ALDH4A1: variants seen among roughly 807,000 people sequenced by gnomAD.
The protein encoded by ALDH4A1 is delta-1-pyrroline-5-carboxylate dehydrogenase, mitochondrial.
ALDH4A1 carries 46 observed loss-of-function variants against 70.5 expected under a neutral mutation model. That is an observed-to-expected ratio of 0.65 (90% confidence interval 0.51 to 0.83). The LOEUF (loss-of-function observed/expected upper bound fraction) is 0.83. Ranked by LOEUF, ALDH4A1 falls within the 40% of genes least tolerant of loss-of-function variation. The pLI is 0.00. For synonymous variants in ALDH4A1, 323 were observed against 324.3 expected, an observed-to-expected ratio of 1.00 and a Z score of 0.04; for missense variants, 749 against 766.5, an observed-to-expected ratio of 0.98 and a Z score of 0.27.
chr1:18,883,219 G>T, intron 6 of ALDH4A1, 21 bp from the exon 7 acceptor site: 10 of 1,613,166 alleles, frequency 6.2e-6, no homozygotes, highest in Non-Finnish European at 8.5e-6. Flanking sequence ...AGGCAGCGGT[G>T]AGATCAGGCC....
rs1376046019 is a variant in ALDH4A1 at position 18,879,282 on chromosome 1, A to T, written c.940+18T>A. 1 of 1,598,330 alleles carries T rather than the reference A, an allele frequency of 6.3e-7. No individual in the cohort carries two copies. The highest frequency in any genetic ancestry group is 1.3e-5 in the African/African-American group (1 of 74,592). The stretch of plus-strand genomic sequence containing the variant: ...GTCCCTGGGGCCACACGGGAGGAGG[A>T]GGTGAGGCAGGCCTTACCTCCAGCC... On this transcript the variant is annotated intron_variant, in intron 9 of 14. Coordinates refer to ENST00000375341, the MANE Select transcript of ALDH4A1 (RefSeq NM_003748.4).
chr1:18,890,300 G>T, intron 1 of ALDH4A1, 195 bp from the exon 2 acceptor site: 1 of 551,144 alleles, frequency 1.8e-6, no homozygotes, highest in Non-Finnish European at 3.3e-6. Context: ...CCAGCACTTT[G>T]GGAGACCAAG....
intron 1 of ALDH4A1, among the ~76,000 whole-genome samples, chr1:18,896,218 C>A (rs1025235442): frequency 6.6e-6 from 1 of 152,164 alleles, no homozygotes; most frequent in Non-Finnish European, 1.5e-5. Flanking sequence ...CTCCACACAG[C>A]CAGCCCGTAC....
Position 18,885,716 on chromosome 1 carries a change from ACT to A in ALDH4A1, c.298-90_298-89del. 1.9e-6 allele frequency: 3 copies of A among 1,559,946 alleles called. No homozygotes were observed. In the South Asian group the frequency reaches 3.4e-5, roughly 18 times the overall value. On this transcript the variant is annotated intron_variant, in intron 4 of 14. Coordinates refer to ENST00000375341, the MANE Select transcript of ALDH4A1 (RefSeq NM_003748.4). ...CGAGGGAGGAGAGACCTGGGAGGCC[ACT>A]CTCTTCCATCCGGGGACAATGCCTG...
chr1:18,894,338 C>G (rs1280564276), intron 1 of ALDH4A1, among the ~76,000 whole-genome samples: 1 of 152,156 alleles, frequency 6.6e-6, no homozygotes, highest in Admixed American at 6.5e-5. Flanking sequence ...GTCAGGAGTT[C>G]GAGACCAGCC....
At chr1:18,882,411 T>A (rs551970787) in intron 7 of ALDH4A1, 4 of 400,470 alleles carry the variant, frequency 1.0e-5, no homozygotes, top group South Asian at 7.0e-5. Context: ...GACAACTATG[T>A]GGACCTCTCC....
At chr1:18,887,455 TG>T (rs1345719123) in intron 3 of ALDH4A1, among the ~76,000 whole-genome samples, 1 of 152,084 alleles carries the variant, frequency 6.6e-6, no homozygotes, top group Non-Finnish European at 1.5e-5. Context: ...AAAAATTAGC[TG>T]GGCGTGGTGG....
In ALDH4A1 at chr1:18,891,489, G is replaced by A. The variant is rs886726497; in HGVS notation, c.63-1384C>T. ...AGTGCACAGGTGGGGTTCACTGGTCGGCGCAATGAGGGAAAACACACAGCG... is the reference window on the plus strand; with the variant it reads ...AGTGCACAGGTGGGGTTCACTGGTCAGCGCAATGAGGGAAAACACACAGCG... On this transcript the variant is annotated intron_variant, in intron 1 of 14. Coordinates refer to ENST00000375341, the MANE Select transcript of ALDH4A1 (RefSeq NM_003748.4). Among the ~76,000 whole-genome samples the A allele has an allele frequency of 3.3e-5, 5 of 152,092 alleles. 1 individual carries two copies. In the South Asian group the frequency reaches 6.2e-4, roughly 19 times the overall value.
At chr1:18,893,792 C>T (rs530900855) in intron 1 of ALDH4A1, among the ~76,000 whole-genome samples, 41 of 152,348 alleles carry the variant, frequency 2.7e-4, no homozygotes, top group Admixed American at 7.2e-4. Context: ...GCGTGAGCCA[C>T]TGTGCCCAGC....
intron 3 of ALDH4A1, 93 bp from the exon 4 acceptor site, chr1:18,886,604 G>C (rs1246939963): frequency 1.9e-5 from 27 of 1,385,518 alleles, no homozygotes; most frequent in Non-Finnish European, 1.7e-5. Context: ...TTCCAGGAAA[G>C]TCCTGGACAC....
chr1:18,891,945 A>G (rs1935448788), intron 1 of ALDH4A1, among the ~76,000 whole-genome samples: 2 of 151,940 alleles, frequency 1.3e-5, no homozygotes, highest in South Asian at 2.1e-4. Context: ...GAAGAATCAC[A>G]TGAACCCGGG....
At chr1:18,885,991 G>A (rs1935187902) in intron 4 of ALDH4A1, among the ~76,000 whole-genome samples, 1 of 152,172 alleles carries the variant, frequency 6.6e-6, no homozygotes, top group African/African-American at 2.4e-5. Context: ...GTCAACTGGA[G>A]CCTGAGACAC....
intron 1 of ALDH4A1, 149 bp downstream of exon 1, chr1:18,902,313 G>A: frequency 1.8e-6 from 1 of 542,388 alleles, no homozygotes; most frequent in Non-Finnish European, 2.9e-6. Context: ...GGTGGGGGTC[G>A]GAGGGGAGCC....
At position 18,881,801 on chromosome 1, in the gene ALDH4A1, G is replaced by T. The variant is rs1934979382; in HGVS notation, c.765C>A (p.Pro255=). The T allele has an allele frequency of 1.2e-6, 2 of 1,613,906 alleles. No homozygotes were observed. Among genetic ancestry groups the T allele is most frequent in the African/African-American group, 2.7e-5 (2 of 74,932 alleles). The change falls in exon 8 of 15, where the codon CCC becomes CCA. Residue 255 remains proline (P), a synonymous_variant. Transcript: ENST00000375341. ...CTGGCACAAACTGGATGATGTTGGG[G>T]GGCAGGCCAGCCTCCCGAAGGATGC... The part of the protein sequence containing the change: ...VYRILREAGL[P]PNIIQFVPAD...
At chr1:18,876,201 C>A in intron 12 of ALDH4A1, 114 bp downstream of exon 12, 9 of 1,398,830 alleles carry the variant, frequency 6.4e-6, no homozygotes, top group African/African-American at 1.4e-5. Flanking sequence ...CTTTTAGGGT[C>A]TCCCTTTAGG....
At chr1:18,886,326 C>G in intron 4 of ALDH4A1, 138 bp downstream of exon 4, 1 of 951,938 alleles carries the variant, frequency 1.1e-6, no homozygotes, top group South Asian at 1.3e-5. Flanking sequence ...TGTCAGCCAC[C>G]CCCTGCCCAC....
intron 1 of ALDH4A1, among the ~76,000 whole-genome samples, chr1:18,899,494 G>A (rs72936450): frequency 0.027 from 4,135 of 152,304 alleles, 180 homozygotes; most frequent in African/African-American, 0.088. Flanking sequence ...TATCCTGCCT[G>A]TTTCCAAAGA....
intron 9 of ALDH4A1, among the ~76,000 whole-genome samples, chr1:18,877,966 G>A (rs1934792104): frequency 6.6e-6 from 1 of 152,082 alleles, no homozygotes; most frequent in African/African-American, 2.4e-5. Flanking sequence ...CCCAGAAGTG[G>A]GCACAGCTTT....
At chr1:18,875,113 G>A (rs986331967) in intron 13 of ALDH4A1, among the ~76,000 whole-genome samples, 8 of 152,210 alleles carry the variant, frequency 5.3e-5, no homozygotes, top group African/African-American at 9.7e-5. Flanking sequence ...AGAGCCAGTC[G>A]AAGACACCAA....
Sources: allele counts gnomAD v4.1 joint callset (sites outside exome capture counted in the v4.1 genomes callset), GRCh38; gene constraint gnomAD v4.1.1; transcripts MANE v1.5; gene names NCBI Gene and HGNC (gene_info 2026-07-23, HGNC 2026-07-21).